BCAS3: variants seen among roughly 807,000 people sequenced by gnomAD.
The protein encoded by BCAS3 is BCAS3 microtubule associated cell migration factor, also known as BCAS4/BCAS3 fusion.
In BCAS3, 53 loss-of-function variants were observed where a neutral mutation model predicts 116.1. The observed-to-expected ratio is 0.46, with a 90% CI of 0.37 to 0.57. BCAS3 has a LOEUF of 0.57. Ranked by LOEUF, BCAS3 falls within the 20% of genes least tolerant of loss-of-function variation. The pLI is 0.00. For synonymous variants in BCAS3, 391 were observed against 408.2 expected (o/e 0.96, Z 0.51); for missense variants, 917 against 1,165.4 (o/e 0.79, Z 3.10).
At position 61,037,784 on chromosome 17, in the gene BCAS3, T is replaced by C; in HGVS notation, c.1763-105T>C. The C allele has an allele frequency of 1.9e-6, 2 of 1,050,284 alleles. No individual in the cohort carries two copies. Among genetic ancestry groups the C allele is most frequent in the South Asian group, 4.6e-5 (2 of 43,358 alleles). The allele number at this position is 1,050,284 out of a possible 1,614,324, so 65.1% of individuals were successfully genotyped here. ...AAAATTCCTGTCTTTTCATTTTCTC[T>C]GAGCAGCCTCAGGAGCAGACTAATA... On this transcript the variant is annotated intron_variant, in intron 17 of 23. Transcript: ENST00000407086. This position sits in a 1 kb window ranked among gnomAD's most constrained non-coding sequence, Gnocchi z 4.7.
At chr17:60,820,171 T>G (rs930593727) in intron 7 of BCAS3, among the ~76,000 whole-genome samples, 1 of 151,706 alleles carries the variant, frequency 6.6e-6, no homozygotes, top group Admixed American at 6.6e-5. Context: ...CCCGGGTTCA[T>G]GCCATTCTGC....
At position 61,181,704 on chromosome 17, in the gene BCAS3, A is replaced by G. The variant is rs1214894120; in HGVS notation, c.2425+97140A>G. On this transcript the variant is annotated intron_variant, in intron 22 of 23. Coordinates refer to ENST00000407086, the MANE Select transcript of BCAS3 (RefSeq NM_017679.5). The surrounding 1 kb of genome is among the most constrained non-coding windows in gnomAD (Gnocchi z 5.0). ...AGAGATACACTGGATGATAAGAGTC[A>G]ACTCTAAAATCAAAATAAATAGAAG... Among the ~76,000 whole-genome samples the G allele has an allele frequency of 6.6e-6, 1 of 152,218 alleles. No homozygotes were observed. Among genetic ancestry groups the G allele is most frequent in the African/African-American group, 2.4e-5 (1 of 41,460 alleles).
intron 7 of BCAS3, among the ~76,000 whole-genome samples, chr17:60,811,896 C>CA (rs1302720672): frequency 6.6e-6 from 1 of 151,654 alleles, no homozygotes; most frequent in Non-Finnish European, 1.5e-5. Flanking sequence ...AAAAAAAATA[C>CA]AAAAAAATTA....
At chr17:60,904,428 C>G (rs2058080953) in intron 11 of BCAS3, among the ~76,000 whole-genome samples, 1 of 146,062 alleles carries the variant, frequency 6.8e-6, no homozygotes, top group African/African-American at 2.6e-5. Flanking sequence ...AACAAACAAA[C>G]AAAACAACAA....
chr17:61,303,352 G>C (rs1051848917), intron 22 of BCAS3, among the ~76,000 whole-genome samples: 1 of 152,192 alleles, frequency 6.6e-6, no homozygotes, highest in Non-Finnish European at 1.5e-5. Flanking sequence ...TACAGCAGCG[G>C]CCTGGAACTT....
intron 14 of BCAS3, among the ~76,000 whole-genome samples, chr17:60,949,246 A>C (rs1420966544): frequency 2.0e-5 from 3 of 151,804 alleles, no homozygotes; most frequent in African/African-American, 7.3e-5. Context: ...TTCTTATACA[A>C]TTATTATTAT....
At chr17:60,832,478 A>G (rs928426002) in intron 7 of BCAS3, among the ~76,000 whole-genome samples, 16 of 152,208 alleles carry the variant, frequency 1.1e-4, no homozygotes, top group African/African-American at 3.9e-4. Flanking sequence ...GTTGCCTACA[A>G]AAATAGAGTA....
At chr17:60,727,501 C>G (rs1873081820) in intron 5 of BCAS3, 2 of 1,482,530 alleles carry the variant, frequency 1.3e-6, no homozygotes, top group Admixed American at 4.4e-5. Flanking sequence ...CAGGGCTGTT[C>G]CGTCTATGTG....
intron 9 of BCAS3, among the ~76,000 whole-genome samples, chr17:60,878,869 A>G (rs1435130239): frequency 1.3e-5 from 2 of 152,210 alleles, no homozygotes; most frequent in African/African-American, 4.8e-5. Flanking sequence ...AGTGATTTAT[A>G]TCAATATTTA....
chr17:60,842,757 C>T (rs1028442286), intron 7 of BCAS3, among the ~76,000 whole-genome samples: 1 of 152,094 alleles, frequency 6.6e-6, no homozygotes, highest in African/African-American at 2.4e-5. Flanking sequence ...TTGGATTCCA[C>T]CATTGTACTG....
chr17:61,111,347 A>G (rs1184750556), intron 22 of BCAS3, among the ~76,000 whole-genome samples: 1 of 150,426 alleles, frequency 6.6e-6, no homozygotes, highest in Non-Finnish European at 1.5e-5. Flanking sequence ...AAAAAAATTT[A>G]GAAGAATGTA....
intron 6 of BCAS3, among the ~76,000 whole-genome samples, chr17:60,767,266 A>G (rs2044206065): frequency 6.6e-6 from 1 of 151,014 alleles, no homozygotes; most frequent in South Asian, 2.1e-4. Flanking sequence ...GAAATCACCA[A>G]TCTTCTGCGT....
chr17:60,869,554 C>A (rs1002037046), intron 8 of BCAS3, among the ~76,000 whole-genome samples: 1 of 151,934 alleles, frequency 6.6e-6, no homozygotes. Context: ...GAAGGGAGGG[C>A]AAAGACATAC....
At chr17:61,024,219 A>C (rs1215762299) in intron 16 of BCAS3, among the ~76,000 whole-genome samples, 2 of 152,184 alleles carry the variant, frequency 1.3e-5, no homozygotes, top group African/African-American at 4.8e-5. Context: ...ATCCATACAA[A>C]GACAGTAATT....
intron 5 of BCAS3, among the ~76,000 whole-genome samples, chr17:60,715,540 G>T (rs556170824): frequency 6.6e-6 from 1 of 152,058 alleles, no homozygotes; most frequent in African/African-American, 2.4e-5. Flanking sequence ...TCAGGCTAGA[G>T]TGCAGTAGCG....
intron 22 of BCAS3, among the ~76,000 whole-genome samples, chr17:61,359,741 T>G (rs767880408): frequency 6.6e-6 from 1 of 152,186 alleles, no homozygotes; most frequent in Non-Finnish European, 1.5e-5. Flanking sequence ...TCCGCCCACC[T>G]TGGCCTCCCG....
chr17:61,078,494 T>C lies in BCAS3; in HGVS notation c.2292T>C (p.Asp764=), dbSNP rs537737616. 2.5e-6 allele frequency: 4 copies of C among 1,614,112 alleles called. No homozygotes were observed. The South Asian group carries it at 4.4e-5, about 18-fold the overall frequency. The part of the protein sequence containing the change: ...GPSDTPQPLL[D]FDTDDLDLNS... ...GTGACACGCCACAGCCTCTTTTGGA[T>C]TTTGATACAGATGATCTTGATCTCA... is the stretch of plus-strand genomic sequence containing the variant. The change falls in exon 21 of 24, where the codon GAT becomes GAC. Residue 764 remains aspartate, a synonymous_variant. Transcript: ENST00000407086.
rs1352783047 is a variant in BCAS3, at chr17:61,352,175, A to T, written c.2426-16152A>T. 6.6e-6 allele frequency among the ~76,000 whole-genome samples: 1 copy of T among 152,096 alleles called. No individual in the cohort carries two copies. The highest frequency in any genetic ancestry group is 1.5e-5 in the Non-Finnish European group (1 of 68,040). On this transcript the variant is annotated intron_variant, in intron 22 of 23. Coordinates refer to ENST00000407086, the MANE Select transcript of BCAS3 (RefSeq NM_017679.5). This position sits in a 1 kb window ranked among gnomAD's most constrained non-coding sequence, Gnocchi z 4.7. ...GTTAGCCCTAACTCAGAGTTAGATG[A>T]CAGGTCCATGTCCAGCTGACGTAGT...
intron 22 of BCAS3, among the ~76,000 whole-genome samples, chr17:61,288,099 G>A (rs1436638354): frequency 6.6e-6 from 1 of 152,180 alleles, no homozygotes; most frequent in Non-Finnish European, 1.5e-5. Flanking sequence ...AACTGGCTGT[G>A]TGCTCTTCAG....
Sources: allele counts gnomAD v4.1 joint callset (sites outside exome capture counted in the v4.1 genomes callset), GRCh38; gene constraint gnomAD v4.1.1; non-coding constraint Gnocchi (gnomAD v3.1); transcripts MANE v1.5; gene names NCBI Gene and HGNC (gene_info 2026-07-23, HGNC 2026-07-21).